The following SLIT3 variants were observed in gnomAD, a reference collection of about 807,000 sequenced individuals.
SLIT3 encodes the protein slit homolog 3 protein.
A neutral mutation model predicts 184.0 loss-of-function variants in SLIT3; 68 were observed. The observed-to-expected ratio is 0.37, with a 90% CI of 0.30 to 0.45. The LOEUF is 0.45. Among genes scored for constraint, SLIT3 ranks in the 20% least tolerant of loss-of-function variants. The pLI, the probability that SLIT3 is intolerant of heterozygous loss-of-function variation, is 1.00. For missense variants in SLIT3, 1,707 were observed against 2,026.0 expected (o/e 0.84, Z 3.02); for synonymous variants, 831 against 828.6 (o/e 1.00, Z -0.05).
chr5:169,164,859 G>A (rs904706369), intron 4 of SLIT3, among the ~76,000 whole-genome samples: 2 of 152,238 alleles, frequency 1.3e-5, no homozygotes, highest in Admixed American at 6.5e-5. Context: ...GCATGCCAAG[G>A]TTTCGGGACA....
intron 8 of SLIT3, among the ~76,000 whole-genome samples, chr5:168,807,143 G>A: frequency 6.6e-6 from 1 of 152,100 alleles, no homozygotes. Flanking sequence ...GCAAATAAAA[G>A]CTATCTCGCC....
At chr5:168,684,697 C>G (rs1437844029) in intron 31 of SLIT3, among the ~76,000 whole-genome samples, 2 of 151,886 alleles carry the variant, frequency 1.3e-5, no homozygotes, top group African/African-American at 4.8e-5. Flanking sequence ...TTTGAACTCC[C>G]GACCTAAAAT....
At chr5:168,814,211 C>T (rs899738103) in intron 8 of SLIT3, among the ~76,000 whole-genome samples, 5 of 151,924 alleles carry the variant, frequency 3.3e-5, no homozygotes, top group Non-Finnish European at 7.4e-5. Flanking sequence ...GCCTGGCCAA[C>T]ATGGTGAAAC....
At chr5:168,820,281 T>C (rs1186606960) in intron 7 of SLIT3, among the ~76,000 whole-genome samples, 1 of 152,210 alleles carries the variant, frequency 6.6e-6, no homozygotes, top group Non-Finnish European at 1.5e-5. Context: ...TCTGTTCACC[T>C]GGCACCTGCT....
chr5:168,797,001 G>C (rs1756586207), intron 9 of SLIT3, among the ~76,000 whole-genome samples: 1 of 151,912 alleles, frequency 6.6e-6, no homozygotes. Context: ...CGGATGAATA[G>C]AGTCTACAAA....
At chr5:168,755,515 G>A (rs1431271419) in intron 16 of SLIT3, among the ~76,000 whole-genome samples, 2 of 151,014 alleles carry the variant, frequency 1.3e-5, no homozygotes, top group East Asian at 2.0e-4. Context: ...GCTCACTGCA[G>A]CCTCTGCCCC....
intron 3 of SLIT3, among the ~76,000 whole-genome samples, chr5:169,241,437 T>G (rs1765402705): frequency 6.6e-6 from 1 of 152,176 alleles, no homozygotes; most frequent in South Asian, 2.1e-4. Flanking sequence ...GAATAATTCT[T>G]TGTTGTAGGG....
chr5:169,123,026 G>A (rs150115052), intron 4 of SLIT3, among the ~76,000 whole-genome samples: 1 of 152,048 alleles, frequency 6.6e-6, no homozygotes, highest in African/African-American at 2.4e-5. Flanking sequence ...AATGATTAAT[G>A]GGAAAAATAC....
At chr5:169,181,817 T>A (rs928524865) in intron 4 of SLIT3, among the ~76,000 whole-genome samples, 1 of 152,114 alleles carries the variant, frequency 6.6e-6, no homozygotes, top group African/African-American at 2.4e-5. Context: ...AATCCCAAAT[T>A]GAATGAGACT....
intron 4 of SLIT3, among the ~76,000 whole-genome samples, chr5:169,128,015 C>CA (rs1761145885): frequency 6.6e-6 from 1 of 151,724 alleles, no homozygotes. Flanking sequence ...AAAAACTTAC[C>CA]AAATGTACCA....
chr5:169,172,573 T>C (rs1762849661), intron 4 of SLIT3, among the ~76,000 whole-genome samples: 1 of 152,204 alleles, frequency 6.6e-6, no homozygotes, highest in African/African-American at 2.4e-5. Context: ...ACCAGGATCC[T>C]TTTGTTGCTG....
chr5:169,054,996 T>C (rs946481707), intron 4 of SLIT3, among the ~76,000 whole-genome samples: 4 of 152,240 alleles, frequency 2.6e-5, no homozygotes, highest in African/African-American at 7.2e-5. Flanking sequence ...GTGGCCCTCA[T>C]GCCTAGCATA....
chr5:169,290,706 G>A (rs752243780), intron 1 of SLIT3, among the ~76,000 whole-genome samples: 31 of 134,716 alleles, frequency 2.3e-4, no homozygotes, highest in Admixed American at 9.5e-4. Flanking sequence ...ACTAGGGCAC[G>A]CACTAGGGCA....
rs77833238 is a variant in SLIT3, at chr5:168,862,590, G to T, written c.486-17935C>A. Reference sequence around the variant, plus strand: ...GGTTGAATCACCATCACTCAGCCACGACCCTCTCCCTATTCATTTTTCTCT... The same window carrying T: ...GGTTGAATCACCATCACTCAGCCACTACCCTCTCCCTATTCATTTTTCTCT... On this transcript the variant is annotated intron_variant, in intron 5 of 35. Transcript: ENST00000519560. 8.0e-3 allele frequency among the ~76,000 whole-genome samples: 1,210 copies of T among 152,164 alleles called. 19 individuals are homozygous for T. The highest frequency in any genetic ancestry group is 0.027 in the African/African-American group (1,141 of 41,518).
intron 14 of SLIT3, among the ~76,000 whole-genome samples, chr5:168,767,461 C>G (rs1425974634): frequency 2.0e-5 from 3 of 152,222 alleles, no homozygotes; most frequent in African/African-American, 7.2e-5. Flanking sequence ...CGTCCACACA[C>G]ACTCCCCTCC....
Position 169,002,322 on chromosome 5 carries a change from C to CAAAAAAAAAAAAAAAAAAAAAAAAAAAAA in SLIT3, c.414-119015_414-118987dup, listed in dbSNP as rs397999882. Among the ~76,000 whole-genome samples, 3 of 24,198 alleles carry CAAAAAAAAAAAAAAAAAAAAAAAAAAAAA rather than the reference C, an allele frequency of 1.2e-4. 1 individual carries two copies. Among genetic ancestry groups the CAAAAAAAAAAAAAAAAAAAAAAAAAAAAA allele is most frequent in the Non-Finnish European group, 7.3e-5 (1 of 13,618 alleles). 15.9% of individuals were successfully genotyped at this position (24,198 alleles called of 152,430 possible). Reference sequence around the variant, plus strand: ...TGAGCAACAGAACGAGACTCTGTCTCAAAAAAAAAAAAAAAAAAAAAAAAA... The same window carrying CAAAAAAAAAAAAAAAAAAAAAAAAAAAAA: ...TGAGCAACAGAACGAGACTCTGTCTCAAAAAAAAAAAAAAAAAAAAAAAAAAAAAAAAAAAAAAAAAAAAAAAAAAAAAA... On this transcript the variant is annotated intron_variant, in intron 4 of 35. Transcript: ENST00000519560.
chr5:168,869,969 T>C (rs1464608991), intron 5 of SLIT3, among the ~76,000 whole-genome samples: 2 of 152,226 alleles, frequency 1.3e-5, no homozygotes, highest in Non-Finnish European at 2.9e-5. Flanking sequence ...CACATCCATT[T>C]ATAGAGCTGA....
At chr5:168,800,476 A>C (rs1756726549) in intron 9 of SLIT3, among the ~76,000 whole-genome samples, 1 of 152,158 alleles carries the variant, frequency 6.6e-6, no homozygotes, top group South Asian at 2.1e-4. Context: ...AATCCCAGCT[A>C]CTTGGGAGGC....
intron 4 of SLIT3, among the ~76,000 whole-genome samples, chr5:168,907,971 T>TAGAGAGAGAGAG (rs1258570486): frequency 2.8e-4 from 20 of 71,104 alleles, no homozygotes; most frequent in African/African-American, 9.3e-4. Context: ...TATATATATA[T>TAGAGAGAGAGAG]ATATATATAG....
Sources: allele counts gnomAD v4.1 joint callset (sites outside exome capture counted in the v4.1 genomes callset), GRCh38; gene constraint gnomAD v4.1.1; transcripts MANE v1.5; gene names NCBI Gene and HGNC (gene_info 2026-07-23, HGNC 2026-07-21).